The following GLIS3 variants were observed in gnomAD, a reference collection of about 807,000 sequenced individuals.
GLIS3 encodes the protein GLIS family zinc finger 3.
Under a neutral mutation model 78.6 loss-of-function variants are expected in GLIS3, and 53 were observed. The ratio of observed to expected loss-of-function variants is 0.67; its 90% CI spans 0.54 to 0.85. The LOEUF (loss-of-function observed/expected upper bound fraction) is 0.85, where lower values mean the gene tolerates loss of function less well. GLIS3 is among the 40% of genes least tolerant of loss of function. The pLI is 0.00. For synonymous variants in GLIS3, 684 were observed against 509.9 expected (o/e 1.34, Z -4.60); for missense variants, 1,703 against 1,231.1 (o/e 1.38, Z -5.74).
At chr9:4,410,174 G>A in the GLIS3 span, among the ~76,000 whole-genome samples, 1,112 of 146,550 alleles carry the variant, frequency 7.6e-3, 7 homozygotes, top group Middle Eastern at 0.021. Context: ...ACAGTGTTTT[G>A]CCATGTTGGC....
chr9:4,110,121 A>ATAC (rs1831093444), intron 4 of GLIS3, among the ~76,000 whole-genome samples: 1 of 152,216 alleles, frequency 6.6e-6, no homozygotes, highest in Non-Finnish European at 1.5e-5. Context: ...GCTTGCACTC[A>ATAC]GTGATCAAAC....
chr9:4,075,367 G>C (rs1827955057), intron 4 of GLIS3, among the ~76,000 whole-genome samples: 1 of 148,354 alleles, frequency 6.7e-6, no homozygotes, highest in Non-Finnish European at 1.5e-5. Context: ...AGGAGATAGA[G>C]ACCATCCTGG....
At chr9:4,339,556 G>A (rs563370614) in intron 2 of GLIS3, among the ~76,000 whole-genome samples, 3 of 151,218 alleles carry the variant, frequency 2.0e-5, no homozygotes, top group African/African-American at 4.9e-5. Flanking sequence ...TAACCGGAAA[G>A]AACCTCTCCA....
Position 3,907,070 on chromosome 9 carries a change from C to G in GLIS3, c.1984-8235G>C, listed in dbSNP as rs1241313871. Among the ~76,000 whole-genome samples, 3 of 152,200 alleles carry G rather than the reference C, an allele frequency of 2.0e-5. No homozygotes were observed. In the East Asian group the frequency reaches 5.8e-4, roughly 29 times the overall value. ...AGAACTGCAGAATCCACTTTCAACACTCCCCTGACCAGACCAGTCCACACT... is the reference window on the plus strand; with the variant it reads ...AGAACTGCAGAATCCACTTTCAACAGTCCCCTGACCAGACCAGTCCACACT... On this transcript the variant is annotated intron_variant, in intron 6 of 10. Transcript: ENST00000381971.
Position 3,932,890 on chromosome 9 carries a change from A to G in GLIS3, c.1873-420T>C, listed in dbSNP as rs144551597. 1.6e-3 allele frequency: 523 copies of G among 331,506 alleles called. 5 individuals carry two copies. The highest frequency in any genetic ancestry group is 0.014 in the East Asian group (184 of 13,192). 20.5% of individuals were successfully genotyped at this position (331,506 alleles called of 1,614,324 possible). Reference sequence around the variant, plus strand: ...GGTAAAGAAGCTGTAGAAAGTCCAGAAAAAAACTGGGTATTTTTCAGAAGA... The same window carrying G: ...GGTAAAGAAGCTGTAGAAAGTCCAGGAAAAAACTGGGTATTTTTCAGAAGA... On this transcript the variant is annotated intron_variant, in intron 5 of 10. Coordinates refer to ENST00000381971, the MANE Select transcript of GLIS3 (RefSeq NM_001042413.2).
At chr9:4,108,058 T>C (rs1015931404) in intron 4 of GLIS3, among the ~76,000 whole-genome samples, 2 of 152,156 alleles carry the variant, frequency 1.3e-5, no homozygotes, top group Admixed American at 6.5e-5. Context: ...TCTTTGAATA[T>C]GTAGTAGGAA....
chr9:4,240,465 A>G (rs1823194302), intron 2 of GLIS3, among the ~76,000 whole-genome samples: 1 of 151,850 alleles, frequency 6.6e-6, no homozygotes, highest in Admixed American at 6.6e-5. Context: ...GGGATTGGGA[A>G]CCCCTGATCT....
chr9:3,951,862 ACACACACACACACACACACACACGCACG>A (rs1816709249), intron 4 of GLIS3, among the ~76,000 whole-genome samples: 1 of 148,910 alleles, frequency 6.7e-6, no homozygotes, highest in Admixed American at 6.7e-5. Flanking sequence ...ACACACACAC[ACACACACACACACACACACACACGCACG>A]CACACACCCA....
intron 2 of GLIS3, among the ~76,000 whole-genome samples, chr9:4,336,097 C>T (rs1454524082): frequency 6.6e-6 from 1 of 152,130 alleles, no homozygotes; most frequent in Non-Finnish European, 1.5e-5. Context: ...ACCCATAAGC[C>T]ACATGGCATG....
At chr9:4,474,799 T>C in the GLIS3 span, among the ~76,000 whole-genome samples, 1 of 150,490 alleles carries the variant, frequency 6.6e-6, no homozygotes, top group African/African-American at 2.5e-5. Context: ...CAGTCTCAAG[T>C]GATCCTCCCA....
At chr9:4,160,374 G>A (rs1835379197) in intron 2 of GLIS3, among the ~76,000 whole-genome samples, 2 of 152,154 alleles carry the variant, frequency 1.3e-5, no homozygotes, top group Non-Finnish European at 2.9e-5. Flanking sequence ...GAACTCGCCG[G>A]GTTTATGCAA....
At chr9:4,012,287 A>T (rs1416096839) in intron 4 of GLIS3, among the ~76,000 whole-genome samples, 1 of 152,186 alleles carries the variant, frequency 6.6e-6, no homozygotes, top group East Asian at 1.9e-4. Context: ...CTGGTGAATA[A>T]ACAAACCGAT....
chr9:4,281,883 C>G (rs1165961899), intron 2 of GLIS3, among the ~76,000 whole-genome samples: 1 of 152,162 alleles, frequency 6.6e-6, no homozygotes, highest in Non-Finnish European at 1.5e-5. Flanking sequence ...CTGTTTCCTT[C>G]TAAATTTAAA....
intron 7 of GLIS3, among the ~76,000 whole-genome samples, chr9:3,895,546 A>G (rs372913576): frequency 2.0e-5 from 3 of 152,168 alleles, no homozygotes; most frequent in African/African-American, 7.2e-5. Flanking sequence ...TTAACCTGGG[A>G]CGCTATTATC....
chr9:4,228,842 C>A (rs932204005), intron 2 of GLIS3, among the ~76,000 whole-genome samples: 2 of 152,194 alleles, frequency 1.3e-5, no homozygotes, highest in Non-Finnish European at 2.9e-5. Flanking sequence ...GAACTCTGCT[C>A]TGTTATCTCT....
chr9:4,218,123 A>C (rs1230296362), intron 2 of GLIS3, among the ~76,000 whole-genome samples: 3 of 152,230 alleles, frequency 2.0e-5, no homozygotes, highest in Non-Finnish European at 4.4e-5. Flanking sequence ...CAGTTGCTGC[A>C]GCTGAAAAGC....
intron 4 of GLIS3, among the ~76,000 whole-genome samples, chr9:3,965,198 T>C (rs529524706): frequency 3.6e-4 from 48 of 134,398 alleles, no homozygotes; most frequent in Middle Eastern, 3.6e-3. Flanking sequence ...CTTTTCTTTT[T>C]TTTTTTTTTT....
intron 2 of GLIS3, among the ~76,000 whole-genome samples, chr9:4,190,480 G>GA (rs1212855538): frequency 7.4e-6 from 1 of 135,376 alleles, no homozygotes; most frequent in Non-Finnish European, 1.7e-5. Flanking sequence ...GAAGTTTAGA[G>GA]AAAAAAGAAT....
chr9:3,957,952 T>C (rs1817259473), intron 4 of GLIS3, among the ~76,000 whole-genome samples: 1 of 152,218 alleles, frequency 6.6e-6, no homozygotes, highest in African/African-American at 2.4e-5. Context: ...TCATGGTTAA[T>C]GAATCACATC....
Sources: allele counts gnomAD v4.1 joint callset (sites outside exome capture counted in the v4.1 genomes callset), GRCh38; gene constraint gnomAD v4.1.1; transcripts MANE v1.5; gene names NCBI Gene and HGNC (gene_info 2026-07-23, HGNC 2026-07-21).